Variants in VPS37B observed in about 807,000 individuals in gnomAD.
VPS37B encodes VPS37B subunit of ESCRT-I.
VPS37B carries 11 observed loss-of-function variants against 21.2 expected under a neutral mutation model. The observed-to-expected ratio is 0.52, with a 90% CI of 0.33 to 0.86. VPS37B has a LOEUF of 0.86. VPS37B is among the 40% of genes least tolerant of loss of function. VPS37B has a pLI of 0.03. For synonymous variants in VPS37B, 175 were observed against 159.6 expected (o/e 1.10, Z -0.73); for missense variants, 389 against 374.8 (o/e 1.04, Z -0.31).
Position 122,867,531 on chromosome 12 carries a change from AGTTTCC to A in VPS37B, c.437_442del (p.Arg146_Lys147del). 1 of 1,614,094 alleles carries A rather than the reference AGTTTCC, an allele frequency of 6.2e-7. No homozygotes were observed. Among genetic ancestry groups the A allele is most frequent in the Non-Finnish European group, 8.5e-7 (1 of 1,180,018 alleles). On this transcript the variant is annotated inframe_deletion, in exon 4 of 4. Coordinates refer to ENST00000267202, the MANE Select transcript of VPS37B (RefSeq NM_024667.3). This position sits in a 1 kb window ranked among gnomAD's most constrained non-coding sequence, Gnocchi z 5.5. ...GATTTTCACCCGTCGCATGTGGGCC[AGTTTCC>A]GTTTGCTCTGATAGACATCAATGAA... is the stretch of plus-strand genomic sequence containing the variant.
chr12:122,870,363 G>A (rs2034000965), intron 2 of VPS37B: 1 of 152,882 alleles, frequency 6.5e-6, no homozygotes, highest in African/African-American at 2.4e-5. Context: ...CAGGGCCACT[G>A]GGAGGAGGGG....
chr12:122,879,250 T>G (rs1465852325), intron 1 of VPS37B: 3 of 152,310 alleles, frequency 2.0e-5, no homozygotes, highest in Non-Finnish European at 4.4e-5. Context: ...CACCTGTTCT[T>G]GAAAACCACT....
chr12:122,875,241 T>C (rs2034126903), intron 1 of VPS37B: 1 of 145,662 alleles, frequency 6.9e-6, no homozygotes, highest in Non-Finnish European at 1.5e-5. Flanking sequence ...TTTTTTTTTT[T>C]TTTTTGTATT....
At chr12:122,887,323 C>T (rs1002237539) in intron 1 of VPS37B, 6 of 152,286 alleles carry the variant, frequency 3.9e-5, no homozygotes, top group African/African-American at 1.4e-4. Context: ...GGCTTAAATC[C>T]TCCAACGGCT....
rs1257011186 is a variant in VPS37B, at chr12:122,868,702, C to T, written c.284-140G>A. 1.4e-6 allele frequency: 1 copy of T among 733,896 alleles called. No individual in the cohort carries two copies. The highest frequency in any genetic ancestry group is 1.7e-5 in the African/African-American group (1 of 57,226). The allele number at this position is 733,896 out of a possible 1,614,324, so 45.5% of individuals were successfully genotyped here. On this transcript the variant is annotated intron_variant, in intron 2 of 3. Coordinates refer to ENST00000267202, the MANE Select transcript of VPS37B (RefSeq NM_024667.3). The surrounding 1 kb of genome is among the most constrained non-coding windows in gnomAD (Gnocchi z 5.5). The stretch of plus-strand genomic sequence containing the variant: ...TTGAAAACCTACAGGGGAACAAGTG[C>T]ACCAAGCCAGTGCCCAGGGGCCAAC...
In VPS37B at chr12:122,871,012, C is replaced by A; in HGVS notation, c.161G>T (p.Ser54Ile). The A allele has an allele frequency of 6.2e-7, 1 of 1,614,200 alleles. No homozygotes were observed. Among genetic ancestry groups the A allele is most frequent in the Non-Finnish European group, 8.5e-7 (1 of 1,180,034 alleles). ...NKEMTLASNR[S>I]LAEGNLLYQP... ...GTACAAAAGGTTTCCTTCTGCCAGG[C>A]TCCGGTTGCTGGCAAGTGTCATTTC... Residue 54 changes from serine (S) to isoleucine (I), a missense_variant, in exon 2 of 4, where the codon AGC becomes ATC. Physicochemically the swap from Ser to Ile is moderately radical, Grantham distance 142. Transcript: ENST00000267202.
In VPS37B at chr12:122,866,187, C is replaced by A. The variant is rs1223093417; in HGVS notation, c.*929G>T. 6.5e-6 allele frequency: 1 copy of A among 152,696 alleles called. No individual in the cohort carries two copies. Among genetic ancestry groups the A allele is most frequent in the Non-Finnish European group, 1.5e-5 (1 of 68,070 alleles). The allele number at this position is 152,696 out of a possible 1,614,324, so 9.5% of individuals were successfully genotyped here. On this transcript the variant is annotated 3_prime_UTR_variant, in exon 4 of 4. Coordinates refer to ENST00000267202, the MANE Select transcript of VPS37B (RefSeq NM_024667.3). ...GGCACCTGGGGAAGCTAAGGCACAGCACGGACACCCGAGGGGGGGGCACCG... is the reference window on the plus strand; with the variant it reads ...GGCACCTGGGGAAGCTAAGGCACAGAACGGACACCCGAGGGGGGGGCACCG...
rs556453857 is a variant in VPS37B at position 122,872,542 on chromosome 12, C to T, written c.112-1481G>A. 130 of 985,416 alleles carry T rather than the reference C, an allele frequency of 1.3e-4. 1 individual carries two copies. The African/African-American group carries it at 2.1e-3, about 16-fold the overall frequency. The allele number at this position is 985,416 out of a possible 1,614,324, so 61.0% of individuals were successfully genotyped here. ...AAGGAGAATCTTGGGACTGGAAAGA[C>T]GCAGTTTCACTCGGGTTTCTGGTAA... is the stretch of plus-strand genomic sequence containing the variant. On this transcript the variant is annotated intron_variant, in intron 1 of 3. Coordinates refer to ENST00000267202, the MANE Select transcript of VPS37B (RefSeq NM_024667.3).
chr12:122,892,338 AC>A (rs1029461596), intron 1 of VPS37B, among the ~76,000 whole-genome samples: 13 of 152,260 alleles, frequency 8.5e-5, no homozygotes, highest in Admixed American at 2.0e-4. Flanking sequence ...ACTGAAACTC[AC>A]ACGCCACAAT....
At chr12:122,888,452 TTC>T (rs777516877) in intron 1 of VPS37B, 3 of 433,634 alleles carry the variant, frequency 6.9e-6, no homozygotes, top group Non-Finnish European at 9.4e-6. Context: ...TCTCAGCATG[TTC>T]TGAGCGCCAG....
rs1282992421 is a variant in VPS37B, at chr12:122,866,858, A to G, written c.*258T>C. On this transcript the variant is annotated 3_prime_UTR_variant, in exon 4 of 4. Coordinates refer to ENST00000267202, the MANE Select transcript of VPS37B (RefSeq NM_024667.3). Reference sequence around the variant, plus strand: ...CAAACATGAGTTCATCAACGCTAAGATACTTAGAAATCACACGGATAATGC... The same window carrying G: ...CAAACATGAGTTCATCAACGCTAAGGTACTTAGAAATCACACGGATAATGC... 3 of 411,918 alleles carry G rather than the reference A, an allele frequency of 7.3e-6. No homozygotes were observed. Among genetic ancestry groups the G allele is most frequent in the Non-Finnish European group, 4.3e-6 (1 of 234,926 alleles). The allele number at this position is 411,918 out of a possible 1,614,324, so 25.5% of individuals were successfully genotyped here. A position where few individuals can be genotyped will look rare whatever the true frequency, so the allele number is the denominator to read the frequency against.
chr12:122,878,919 T>C (rs1228719839), intron 1 of VPS37B: 2 of 152,072 alleles, frequency 1.3e-5, no homozygotes, highest in Non-Finnish European at 2.9e-5. Context: ...CCCAAAGTGT[T>C]AGAATTACAT....
chr12:122,867,158 CG>C lies in VPS37B; in HGVS notation c.815del (p.Pro272ArgfsTer65). ...CCGGCTGGTGTGGAGGGAGCCGGGG[CG>C]GGGGTCTCTGAGGGAGAGGTGGCGG... Reference protein sequence around the residue: ...PYPPPLPQRPPPRLPPHQPGF... With the variant: ...PYPPPLPQRPXPRLPPHQPGF... On this transcript the variant is annotated frameshift_variant, in exon 4 of 4. Coordinates refer to ENST00000267202, the MANE Select transcript of VPS37B (RefSeq NM_024667.3). LOFTEE classifies it high-confidence loss of function. The surrounding 1 kb of genome is among the most constrained non-coding windows in gnomAD (Gnocchi z 5.5). 2 of 1,551,868 alleles carry C rather than the reference CG, an allele frequency of 1.3e-6. No individual in the cohort carries two copies. The highest frequency in any genetic ancestry group is 1.3e-5 in the South Asian group (1 of 79,696).
chr12:122,888,740 G>A (rs1593924287), intron 1 of VPS37B: 2 of 361,898 alleles, frequency 5.5e-6, no homozygotes, highest in Admixed American at 3.1e-5. Flanking sequence ...CCCTCCCTTC[G>A]ATGGCAGCTC....
chr12:122,869,406 G>A (rs530091479), intron 2 of VPS37B, among the ~76,000 whole-genome samples: 57 of 152,324 alleles, frequency 3.7e-4, no homozygotes, highest in African/African-American at 1.4e-3. Flanking sequence ...TGGCAGTGCA[G>A]CCTGCAAGCC....
At chr12:122,874,695 T>A (rs1385451169) in intron 1 of VPS37B, 1 of 151,868 alleles carries the variant, frequency 6.6e-6, no homozygotes, top group African/African-American at 2.4e-5. Context: ...ACACCTGTAA[T>A]CCCAGCACTT....
rs2033897801 is a variant in VPS37B at position 122,866,222 on chromosome 12, TGC to T, written c.*892_*893del. On this transcript the variant is annotated 3_prime_UTR_variant, in exon 4 of 4. Coordinates refer to ENST00000267202, the MANE Select transcript of VPS37B (RefSeq NM_024667.3). ...CGAGGGGGGGGCACCGTGCACTGCT[TGC>T]ACAAAAGGAAATTGCATCCACTTCA... 6.6e-6 allele frequency: 1 copy of T among 152,668 alleles called. No individual in the cohort carries two copies. The highest frequency in any genetic ancestry group is 2.4e-5 in the African/African-American group (1 of 41,458). 9.5% of individuals were successfully genotyped at this position (152,668 alleles called of 1,614,324 possible). A position where few individuals can be genotyped will look rare whatever the true frequency, so the allele number is the denominator to read the frequency against.
chr12:122,893,059 C>CCA (rs2034439654), intron 1 of VPS37B, among the ~76,000 whole-genome samples: 1 of 139,238 alleles, frequency 7.2e-6, no homozygotes, highest in Admixed American at 7.2e-5. Flanking sequence ...GATCCTTTCT[C>CCA]AAAAAAAAAA....
Position 122,868,356 on chromosome 12 carries a change from G to T in VPS37B, c.366+124C>A. 2 of 856,694 alleles carry T rather than the reference G, an allele frequency of 2.3e-6. No homozygotes were observed. Among genetic ancestry groups the T allele is most frequent in the Non-Finnish European group, 1.9e-6 (1 of 534,588 alleles). The allele number at this position is 856,694 out of a possible 1,614,324, so 53.1% of individuals were successfully genotyped here. On this transcript the variant is annotated intron_variant, in intron 3 of 3. Coordinates refer to ENST00000267202, the MANE Select transcript of VPS37B (RefSeq NM_024667.3). This position sits in a 1 kb window ranked among gnomAD's most constrained non-coding sequence, Gnocchi z 5.5. The stretch of plus-strand genomic sequence containing the variant: ...AGGCCAGGCTGCCTGCTGGTATACA[G>T]CCCGTACACCTGGGAGGCACCACTC...
Sources: allele counts gnomAD v4.1 joint callset (sites outside exome capture counted in the v4.1 genomes callset), GRCh38; gene constraint gnomAD v4.1.1; non-coding constraint Gnocchi (gnomAD v3.1); transcripts MANE v1.5; gene names NCBI Gene and HGNC (gene_info 2026-07-23, HGNC 2026-07-21).